Variants in CDH23 observed in about 807,000 individuals in gnomAD.
The protein encoded by CDH23 is cadherin-23.
CDH23 carries 189 observed loss-of-function variants against 317.1 expected under a neutral mutation model. The observed-to-expected ratio is 0.60, with a 90% CI of 0.53 to 0.67. The LOEUF (loss-of-function observed/expected upper bound fraction) is 0.67, where lower values mean the gene tolerates loss of function less well. Among genes scored for constraint, CDH23 ranks in the 30% least tolerant of loss-of-function variants. The pLI is 0.00. For synonymous variants in CDH23, 1,839 were observed against 1,876.8 expected (o/e 0.98, Z 0.52); for missense variants, 4,401 against 4,592.4 (o/e 0.96, Z 1.20).
chr10:71,490,762 T>C (rs1589131664), intron 3 of CDH23, among the ~76,000 whole-genome samples: 1 of 152,368 alleles, frequency 6.6e-6, no homozygotes, highest in East Asian at 1.9e-4. Context: ...AAGCTTTACA[T>C]GTATTAATTC....
Position 71,741,770 on chromosome 10 carries a change from A to G in CDH23, c.4694A>G (p.Tyr1565Cys). 6.2e-7 allele frequency: 1 copy of G among 1,612,728 alleles called. No homozygotes were observed. Among genetic ancestry groups the G allele is most frequent in the Non-Finnish European group, 8.5e-7 (1 of 1,179,406 alleles). Residue 1565 changes from tyrosine to cysteine, a missense_variant, in exon 38 of 70, where the codon TAC becomes TGC. Tyr to Cys is a radical substitution (Grantham distance 194). Transcript: ENST00000224721. ...RDIGINSVLS[Y>C]YITEGNKDMA... ...ATCGGGATCAACAGTGTTCTGTCCTACTACATCACCGAGGGCAACAAGGAC... is the reference window on the plus strand; with the variant it reads ...ATCGGGATCAACAGTGTTCTGTCCTGCTACATCACCGAGGGCAACAAGGAC...
chr10:71,633,868 A>G (rs931181532), intron 11 of CDH23, among the ~76,000 whole-genome samples: 2 of 152,050 alleles, frequency 1.3e-5, no homozygotes, highest in African/African-American at 4.8e-5. Context: ...CTGCCACCCA[A>G]CCATGCAGGA....
intron 38 of CDH23, among the ~76,000 whole-genome samples, chr10:71,758,560 G>A (rs1840209142): frequency 6.6e-6 from 1 of 152,238 alleles, no homozygotes; most frequent in Admixed American, 6.5e-5. Flanking sequence ...GCTACCCACT[G>A]CACTGCCCCA....
At chr10:71,414,949 T>A (rs773947952) in intron 1 of CDH23, among the ~76,000 whole-genome samples, 1 of 152,214 alleles carries the variant, frequency 6.6e-6, no homozygotes, top group Non-Finnish European at 1.5e-5. Flanking sequence ...TAGAATTTTA[T>A]CCATTTTATG....
chr10:71,516,494 T>G (rs1486443169), intron 6 of CDH23, among the ~76,000 whole-genome samples: 5 of 152,212 alleles, frequency 3.3e-5, no homozygotes, highest in Non-Finnish European at 5.9e-5. Flanking sequence ...TTACTAGAGA[T>G]GGGAAAGCAG....
chr10:71,692,572 G>T (rs1865225809), intron 20 of CDH23, among the ~76,000 whole-genome samples: 1 of 152,176 alleles, frequency 6.6e-6, no homozygotes, highest in South Asian at 2.1e-4. Flanking sequence ...AGGGAGTGTG[G>T]CTCGTTGGGC....
At chr10:71,694,020 T>G (rs1339803018) in intron 20 of CDH23, 127 bp from the exon 21 acceptor site, 1 of 777,312 alleles carries the variant, frequency 1.3e-6, no homozygotes, top group East Asian at 2.7e-5. Flanking sequence ...CGCCAGATCA[T>G]GGTAGCTTGC....
At chr10:71,729,295 C>G (rs933770204) in intron 30 of CDH23, among the ~76,000 whole-genome samples, 1 of 152,086 alleles carries the variant, frequency 6.6e-6, no homozygotes, top group Admixed American at 6.5e-5. Context: ...AACCCTGAGA[C>G]AAGGATTGGT....
intron 16 of CDH23, 104 bp from the exon 17 acceptor site, chr10:71,679,283 A>G: frequency 1.2e-6 from 1 of 816,392 alleles, no homozygotes; most frequent in South Asian, 1.5e-5. Context: ...CCAAAAAAGG[A>G]GCTGTGAACA....
intron 1 of CDH23, among the ~76,000 whole-genome samples, chr10:71,403,570 G>T (rs1475122738): frequency 4.9e-5 from 7 of 143,274 alleles, no homozygotes; most frequent in African/African-American, 1.8e-4. Flanking sequence ...AACCTGGAGT[G>T]CAGTGGCGCA....
chr10:71,581,934 T>C (rs1031171100), intron 9 of CDH23, among the ~76,000 whole-genome samples: 3 of 152,246 alleles, frequency 2.0e-5, no homozygotes, highest in Non-Finnish European at 2.9e-5. Context: ...GAGTCAGAAA[T>C]TGTGGGTTCG....
At chr10:71,643,754 C>T in intron 11 of CDH23, 107 bp from the exon 12 acceptor site, 1 of 727,064 alleles carries the variant, frequency 1.4e-6, no homozygotes, top group Non-Finnish European at 2.5e-6. Flanking sequence ...CCTCCCATGA[C>T]CCAGGGTCTC....
chr10:71,517,011 C>T (rs1013292950), intron 6 of CDH23, among the ~76,000 whole-genome samples: 2 of 152,208 alleles, frequency 1.3e-5, no homozygotes, highest in Non-Finnish European at 2.9e-5. Flanking sequence ...TGTGCATCCT[C>T]AGCACCCTGC....
chr10:71,539,600 G>C (rs1470446072), intron 6 of CDH23, among the ~76,000 whole-genome samples: 1 of 151,978 alleles, frequency 6.6e-6, no homozygotes, highest in Non-Finnish European at 1.5e-5. Flanking sequence ...GCTGTCTCCT[G>C]AGGGCTGCAT....
intron 26 of CDH23, among the ~76,000 whole-genome samples, chr10:71,707,815 C>T (rs886651658): frequency 1.3e-5 from 2 of 152,170 alleles, no homozygotes; most frequent in Admixed American, 6.5e-5. Flanking sequence ...CACATGTTGC[C>T]TCTGCATATG....
chr10:71,721,725 C>T (rs534394873), intron 28 of CDH23, among the ~76,000 whole-genome samples: 1 of 152,350 alleles, frequency 6.6e-6, no homozygotes, highest in African/African-American at 2.4e-5. Flanking sequence ...GCTCCTCGCT[C>T]TGCCTTCATA....
chr10:71,475,453 G>A (rs577386771), intron 3 of CDH23, among the ~76,000 whole-genome samples: 3 of 152,212 alleles, frequency 2.0e-5, no homozygotes, highest in Admixed American at 6.5e-5. Flanking sequence ...CTAGGAGGGC[G>A]GTTGAGGACA....
Position 71,815,508 on chromosome 10 carries a change from CA to C in CDH23, c.*233del, listed in dbSNP as rs1020586501. The C allele has an allele frequency of 1.0e-4, 46 of 452,768 alleles. No homozygotes were observed. Among genetic ancestry groups the C allele is most frequent in the Middle Eastern group, 1.1e-3 (2 of 1,804 alleles). The allele number at this position is 452,768 out of a possible 1,614,324, so 28.0% of individuals were successfully genotyped here. A position where few individuals can be genotyped will look rare whatever the true frequency, so the allele number is the denominator to read the frequency against. On this transcript the variant is annotated 3_prime_UTR_variant, in exon 70 of 70. Coordinates refer to ENST00000224721, the MANE Select transcript of CDH23 (RefSeq NM_022124.6). ...AGATCTGTTATTTTTATAAGAAAACCAAACAAAAATGTTAAGCATCTAAGGA... is the reference window on the plus strand; with the variant it reads ...AGATCTGTTATTTTTATAAGAAAACCAACAAAAATGTTAAGCATCTAAGGA...
rs903599235 is a variant in CDH23, at chr10:71,732,179, T to G, written c.3908T>G (p.Leu1303Arg). Residue 1303 changes from leucine (L) to arginine (R), a missense_variant, in exon 32 of 70, where the codon CTG (leucine) becomes CGG (arginine). This residue lies in a region of CDH23 where 3,068 missense variants were observed against 3,203.3 expected (regional missense o/e 0.96). Coordinates refer to ENST00000224721, the MANE Select transcript of CDH23 (RefSeq NM_022124.6). ...GGCTTCTGCAGCGTCTACATCACTCTGCTCAACGAGCTGGACGAGGCCGTG... is the reference window on the plus strand; with the variant it reads ...GGCTTCTGCAGCGTCTACATCACTCGGCTCAACGAGCTGGACGAGGCCGTG... ...NQGFCSVYIT[L>R]LNELDEAVQF... 1 of 1,613,854 alleles carries G rather than the reference T, an allele frequency of 6.2e-7. No homozygotes were observed. Among genetic ancestry groups the G allele is most frequent in the African/African-American group, 1.3e-5 (1 of 74,944 alleles).
Sources: allele counts gnomAD v4.1 joint callset (sites outside exome capture counted in the v4.1 genomes callset), GRCh38; gene constraint gnomAD v4.1.1; regional missense constraint gnomAD v4.1.1; transcripts MANE v1.5; gene names NCBI Gene and HGNC (gene_info 2026-07-23, HGNC 2026-07-21).